The following JAG1 variants were observed in gnomAD, a reference collection of about 807,000 sequenced individuals.
JAG1 encodes protein jagged-1.
Under a neutral mutation model 148.7 loss-of-function variants are expected in JAG1, and 23 were observed. That is an observed-to-expected ratio of 0.15 (90% CI 0.11 to 0.22). The LOEUF is 0.22. Ranked by LOEUF, JAG1 falls within the 10% of genes least tolerant of loss-of-function variation. The probability of loss-of-function intolerance (pLI) is 1.00; values close to 1 mark genes in which losing one functional copy is unlikely to be tolerated. For missense variants in JAG1, 1,054 were observed against 1,611.2 expected (o/e 0.65, Z 5.92); for synonymous variants, 572 against 598.3 (o/e 0.96, Z 0.64).
At chr20:10,664,413 A>ACACACAC (rs1568803615) in intron 2 of JAG1, among the ~76,000 whole-genome samples, 2 of 108,882 alleles carry the variant, frequency 1.8e-5, no homozygotes, top group African/African-American at 3.4e-5. Flanking sequence ...CACACACACA[A>ACACACAC]AGAATTTATT....
chr20:10,644,277 C>CTCACACAA (rs2067292726), intron 19 of JAG1, 80 bp downstream of exon 19: 4 of 290,328 alleles, frequency 1.4e-5, no homozygotes, highest in African/African-American at 1.9e-4. Flanking sequence ...GGGTGATTCT[C>CTCACACAA]ACACACACAC....
chr20:10,642,306 C>T (rs2067277954), intron 21 of JAG1, among the ~76,000 whole-genome samples, 182 bp downstream of exon 21: 1 of 152,198 alleles, frequency 6.6e-6, no homozygotes, highest in South Asian at 2.1e-4. Flanking sequence ...TTTGTGGCAA[C>T]AGCTGACCAA....
chr20:10,661,466 G>C (rs939548111), intron 3 of JAG1, among the ~76,000 whole-genome samples: 1 of 152,174 alleles, frequency 6.6e-6, no homozygotes, highest in Non-Finnish European at 1.5e-5. Context: ...CATGTGCAAA[G>C]GTCCTGAGGC....
chr20:10,649,166 T>G lies in JAG1; in HGVS notation c.1349-59A>C, dbSNP rs184110582. On this transcript the variant is annotated intron_variant, in intron 10 of 25. Transcript: ENST00000254958. ...TAATTTACAGTGAAATTGGGCTTAA[T>G]TGAAAAGCCTTCTCAGCTCAGGATA... The G allele has an allele frequency of 5.9e-4, 672 of 1,130,766 alleles. No homozygotes were observed. The highest frequency in any genetic ancestry group is 8.3e-4 in the Non-Finnish European group (617 of 744,510). 70.0% of individuals were successfully genotyped at this position (1,130,766 alleles called of 1,614,324 possible). A position where few individuals can be genotyped will look rare whatever the true frequency, so the allele number is the denominator to read the frequency against.
chr20:10,643,693 T>G, intron 20 of JAG1, 85 bp downstream of exon 20: 1 of 1,046,040 alleles, frequency 9.6e-7, no homozygotes, highest in South Asian at 1.3e-5. Flanking sequence ...AATGGTGGCT[T>G]TGTTTTTAAA....
At chr20:10,646,740 G>T (rs1415319576) in intron 14 of JAG1, among the ~76,000 whole-genome samples, 199 bp downstream of exon 14, 1 of 151,970 alleles carries the variant, frequency 6.6e-6, no homozygotes. Context: ...CAGGAGAATC[G>T]CTTGAACCTG....
chr20:10,644,170 C>T (rs1274694860), intron 19 of JAG1, among the ~76,000 whole-genome samples, 187 bp downstream of exon 19: 1 of 152,060 alleles, frequency 6.6e-6, no homozygotes, highest in Non-Finnish European at 1.5e-5. Context: ...GTCCATGGGG[C>T]AGCAGGATCG....
chr20:10,650,549 C>T (rs1055336686), intron 8 of JAG1, 189 bp from the exon 9 acceptor site: 7 of 589,340 alleles, frequency 1.2e-5, no homozygotes, highest in Non-Finnish European at 1.5e-5. Flanking sequence ...TTAAATCCCC[C>T]ACTGCCCCAG....
intron 2 of JAG1, among the ~76,000 whole-genome samples, chr20:10,668,795 C>T (rs2067474754): frequency 6.6e-6 from 1 of 152,034 alleles, no homozygotes; most frequent in Non-Finnish European, 1.5e-5. Context: ...TGCTGATTTT[C>T]TGGGAGGTTG....
rs1430669711 is a variant in JAG1 at position 10,665,285 on chromosome 20, A to G, written c.388-1271T>C. 2.0e-5 allele frequency among the ~76,000 whole-genome samples: 3 copies of G among 152,248 alleles called. No homozygotes were observed. In the East Asian group the frequency reaches 5.8e-4, roughly 29 times the overall value. The stretch of plus-strand genomic sequence containing the variant: ...CAGCAGGTCATCTCTGAATATAAAA[A>G]TATCTTGTGATAGACCCTGCCTTGG... On this transcript the variant is annotated intron_variant, in intron 2 of 25. Coordinates refer to ENST00000254958, the MANE Select transcript of JAG1 (RefSeq NM_000214.3).
chr20:10,640,008 A>G, intron 25 of JAG1, 53 bp from the exon 26 acceptor site: 2 of 1,408,236 alleles, frequency 1.4e-6, no homozygotes, highest in Non-Finnish European at 2.0e-6. Flanking sequence ...AGAAAAAAGC[A>G]TCATCGCAGG....
At chr20:10,642,127 C>T (rs1439211790) in intron 21 of JAG1, among the ~76,000 whole-genome samples, 2 of 152,164 alleles carry the variant, frequency 1.3e-5, no homozygotes, top group Admixed American at 6.5e-5. Flanking sequence ...TTTGACTAGC[C>T]TCTTGCACAC....
At chr20:10,658,409 G>T (rs1172447031) in intron 4 of JAG1, 59 bp downstream of exon 4, 1 of 1,605,172 alleles carries the variant, frequency 6.2e-7, no homozygotes, top group Non-Finnish European at 8.5e-7. Context: ...TGCTGGTGGG[G>T]TGATAAATGG....
intron 2 of JAG1, among the ~76,000 whole-genome samples, chr20:10,669,735 T>C (rs1053139520): frequency 6.6e-6 from 1 of 152,160 alleles, no homozygotes; most frequent in African/African-American, 2.4e-5. Flanking sequence ...ACTGGGGTTC[T>C]GAAGTTCCCA....
chr20:10,667,194 G>A (rs1227842072), intron 2 of JAG1, among the ~76,000 whole-genome samples: 3 of 152,182 alleles, frequency 2.0e-5, no homozygotes, highest in Non-Finnish European at 4.4e-5. Context: ...GCACGCGTGC[G>A]GCGTCCAAAA....
intron 2 of JAG1, among the ~76,000 whole-genome samples, chr20:10,670,495 C>T (rs1356708233): frequency 6.6e-6 from 1 of 152,150 alleles, no homozygotes; most frequent in African/African-American, 2.4e-5. Context: ...TGAAGCTGTG[C>T]CCTCTAGTTA....
chr20:10,672,130 G>A (rs925671385), intron 2 of JAG1, among the ~76,000 whole-genome samples: 2 of 152,102 alleles, frequency 1.3e-5, no homozygotes, highest in African/African-American at 4.8e-5. Context: ...CTCCTGCGGC[G>A]GCCGCCCCCG....
At position 10,673,053 on chromosome 20, in the gene JAG1, T is replaced by C. The variant is rs761440468; in HGVS notation, c.82-47A>G. Reference sequence around the variant, plus strand: ...AGGTCAGCGCGGGAGAAAGCTGTTTTCTTCGAGTATAGAGGTGGCGACTCC... The same window carrying C: ...AGGTCAGCGCGGGAGAAAGCTGTTTCCTTCGAGTATAGAGGTGGCGACTCC... On this transcript the variant is annotated intron_variant, in intron 1 of 25. Transcript: ENST00000254958. This position sits in a 1 kb window ranked among gnomAD's most constrained non-coding sequence, Gnocchi z 4.7. 2.5e-6 allele frequency: 4 copies of C among 1,573,336 alleles called. No homozygotes were observed. Among genetic ancestry groups the C allele is most frequent in the Non-Finnish European group, 3.5e-6 (4 of 1,156,866 alleles).
intron 4 of JAG1, among the ~76,000 whole-genome samples, chr20:10,657,410 T>C (rs754015123): frequency 1.2e-4 from 18 of 152,052 alleles, no homozygotes; most frequent in Non-Finnish European, 1.8e-4. Context: ...GTTTAATTTT[T>C]AAAACACACT....
Sources: gnomAD v4.1 joint callset for allele counts (sites outside exome capture counted in the v4.1 genomes callset) on GRCh38, gnomAD v4.1.1 for gene constraint, Gnocchi (gnomAD v3.1) non-coding constraint, MANE v1.5 for transcripts, NCBI Gene and HGNC (gene_info 2026-07-23, HGNC 2026-07-21) for gene names.